SPATA17: variants seen among roughly 807,000 people sequenced by gnomAD.
SPATA17 encodes the protein spermatogenesis-associated protein 17.
Under a neutral mutation model 62.2 loss-of-function variants are expected in SPATA17, and 53 were observed. That is an observed-to-expected ratio of 0.85 (90% CI 0.68 to 1.07). The LOEUF (loss-of-function observed/expected upper bound fraction) is 1.07. Ranked by LOEUF, SPATA17 falls within the 50% of genes least tolerant of loss-of-function variation. SPATA17 has a pLI of 0.00. For missense variants in SPATA17, 466 were observed against 425.5 expected, an observed-to-expected ratio of 1.10 and a Z score of -0.84; for synonymous variants, 146 against 146.8, an observed-to-expected ratio of 0.99 and a Z score of 0.04.
At chr1:217,760,491 C>A (rs912878066) in intron 6 of SPATA17, among the ~76,000 whole-genome samples, 1 of 152,088 alleles carries the variant, frequency 6.6e-6, no homozygotes. Flanking sequence ...TATAAGGGCT[C>A]AGTGTTCTGA....
intron 5 of SPATA17, among the ~76,000 whole-genome samples, chr1:217,689,758 C>T (rs1671303435): frequency 6.6e-6 from 1 of 152,068 alleles, no homozygotes; most frequent in African/African-American, 2.4e-5. Flanking sequence ...ATTTCAGTTG[C>T]ATTCTCATTT....
chr1:217,640,882 AGATAGAT>A (rs1670046509), intron 1 of SPATA17, among the ~76,000 whole-genome samples: 1 of 152,144 alleles, frequency 6.6e-6, no homozygotes, highest in Non-Finnish European at 1.5e-5. Flanking sequence ...AACTGGAATT[AGATAGAT>A]CTGGAATTAC....
At chr1:217,737,025 C>T (rs1459023893) in intron 5 of SPATA17, among the ~76,000 whole-genome samples, 1 of 151,996 alleles carries the variant, frequency 6.6e-6, no homozygotes, top group Non-Finnish European at 1.5e-5. Flanking sequence ...AAAGCTACCT[C>T]TTCAGAAAAA....
At chr1:217,841,487 T>C (rs1675402084) in intron 9 of SPATA17, among the ~76,000 whole-genome samples, 1 of 151,926 alleles carries the variant, frequency 6.6e-6, no homozygotes, top group South Asian at 2.1e-4. Context: ...CAGAATACAG[T>C]TTTTGGGCAC....
intron 6 of SPATA17, among the ~76,000 whole-genome samples, chr1:217,752,941 G>C (rs1435227541): frequency 2.0e-5 from 3 of 152,134 alleles, no homozygotes; most frequent in African/African-American, 7.2e-5. Flanking sequence ...AGTATATGTG[G>C]AAGTGACAGA....
chr1:217,714,907 G>C (rs1222618202), intron 5 of SPATA17, among the ~76,000 whole-genome samples: 1 of 152,174 alleles, frequency 6.6e-6, no homozygotes, highest in African/African-American at 2.4e-5. Flanking sequence ...TGAGGAATTA[G>C]AGGATTTCTA....
At chr1:217,707,522 C>CT (rs1160675420) in intron 5 of SPATA17, among the ~76,000 whole-genome samples, 1 of 152,126 alleles carries the variant, frequency 6.6e-6, no homozygotes, top group Non-Finnish European at 1.5e-5. Context: ...AGGGGAATTG[C>CT]TTTCAGCTTT....
At chr1:217,845,042 T>G (rs1300427438) in intron 9 of SPATA17, among the ~76,000 whole-genome samples, 1 of 152,104 alleles carries the variant, frequency 6.6e-6, no homozygotes, top group African/African-American at 2.4e-5. Context: ...GCCTAACATC[T>G]CTGACCTTAT....
At chr1:217,637,993 T>C (rs896684826) in intron 1 of SPATA17, among the ~76,000 whole-genome samples, 1 of 152,130 alleles carries the variant, frequency 6.6e-6, no homozygotes, top group Non-Finnish European at 1.5e-5. Context: ...CTAAGAAGAT[T>C]AAATGATCAT....
chr1:217,765,709 A>G (rs531348050), intron 6 of SPATA17, among the ~76,000 whole-genome samples: 6 of 152,128 alleles, frequency 3.9e-5, no homozygotes, highest in Admixed American at 6.5e-5. Context: ...TTAGGTGAGT[A>G]TTCTATATGA....
At chr1:217,709,879 A>G (rs1671817451) in intron 5 of SPATA17, among the ~76,000 whole-genome samples, 1 of 152,242 alleles carries the variant, frequency 6.6e-6, no homozygotes, top group African/African-American at 2.4e-5. Flanking sequence ...TCTTGAGGCA[A>G]TTATGACTTA....
intron 4 of SPATA17, among the ~76,000 whole-genome samples, chr1:217,676,976 T>C (rs570419249): frequency 6.6e-6 from 1 of 152,304 alleles, no homozygotes; most frequent in Admixed American, 6.5e-5. Flanking sequence ...ACTCGCTTAG[T>C]GAAATTCCAC....
chr1:217,672,957 G>A (rs1682737804), intron 4 of SPATA17, among the ~76,000 whole-genome samples: 1 of 152,072 alleles, frequency 6.6e-6, no homozygotes, highest in South Asian at 2.1e-4. Context: ...CTTATAGTAG[G>A]TGGTTAAATA....
chr1:217,838,565 C>G (rs1675315281), intron 9 of SPATA17, among the ~76,000 whole-genome samples: 1 of 151,700 alleles, frequency 6.6e-6, no homozygotes, highest in Admixed American at 6.6e-5. Context: ...AAAATTAAGG[C>G]CCTGGTGACA....
chr1:217,671,111 A>T (rs992665261), intron 4 of SPATA17, among the ~76,000 whole-genome samples: 3 of 152,164 alleles, frequency 2.0e-5, no homozygotes, highest in African/African-American at 7.2e-5. Flanking sequence ...TTTACCTATG[A>T]CAAGGCTAGA....
intron 6 of SPATA17, among the ~76,000 whole-genome samples, chr1:217,770,518 A>G (rs775342066): frequency 4.6e-5 from 7 of 152,146 alleles, no homozygotes; most frequent in South Asian, 2.1e-4. Flanking sequence ...TATTCTTCCT[A>G]TTTCATAGAA....
intron 3 of SPATA17, among the ~76,000 whole-genome samples, chr1:217,667,562 C>T (rs72728805): frequency 0.018 from 2,676 of 152,144 alleles, 42 homozygotes; most frequent in Middle Eastern, 0.034. Flanking sequence ...AAGTTGTTCA[C>T]GGCCACACAG....
In SPATA17 at chr1:217,733,587, C is replaced by T. The variant is rs1021559992; in HGVS notation, c.396-8388C>T. 3.3e-5 allele frequency among the ~76,000 whole-genome samples: 5 copies of T among 152,170 alleles called. No homozygotes were observed. The East Asian group carries it at 5.8e-4, about 18-fold the overall frequency. On this transcript the variant is annotated intron_variant, in intron 5 of 10. Coordinates refer to ENST00000366933, the MANE Select transcript of SPATA17 (RefSeq NM_138796.4). ...ATTTTGTTTGTAACCTACTTGAAGGCAAGTACTACGGTTTAAACGTCTTTA... is the reference window on the plus strand; with the variant it reads ...ATTTTGTTTGTAACCTACTTGAAGGTAAGTACTACGGTTTAAACGTCTTTA...
At chr1:217,650,977 A>G (rs78808439) in intron 2 of SPATA17, 120 bp from the exon 3 acceptor site, 1 of 701,374 alleles carries the variant, frequency 1.4e-6, no homozygotes, top group East Asian at 2.7e-5. Flanking sequence ...ACTGTTTAAA[A>G]GTGCACATAA....
Sources: gnomAD v4.1 joint callset for allele counts (sites outside exome capture counted in the v4.1 genomes callset) on GRCh38, gnomAD v4.1.1 for gene constraint, MANE v1.5 for transcripts, NCBI Gene and HGNC (gene_info 2026-07-23, HGNC 2026-07-21) for gene names.